Variants in TNNI3K observed in about 807,000 individuals in gnomAD.
TNNI3K encodes serine/threonine-protein kinase TNNI3K.
A neutral mutation model predicts 114.5 loss-of-function variants in TNNI3K; 140 were observed. The observed-to-expected ratio is 1.22, with a 90% CI of 1.07 to 1.41. The LOEUF (loss-of-function observed/expected upper bound fraction) is 1.41, where lower values mean the gene tolerates loss of function less well. Among genes scored for constraint, TNNI3K ranks in the 40% most tolerant of loss-of-function variants. The pLI is 0.00. For missense variants in TNNI3K, 1,125 were observed against 1,007.6 expected (o/e 1.12, Z -1.58); for synonymous variants, 347 against 347.5 (o/e 1.00, Z 0.02).
At chr1:74,430,635 G>A (rs1333619143) in intron 17 of TNNI3K, among the ~76,000 whole-genome samples, 1 of 152,082 alleles carries the variant, frequency 6.6e-6, no homozygotes, top group South Asian at 2.1e-4. Context: ...CATTGTTAAG[G>A]TTAAAAGAAC....
chr1:74,393,275 A>G (rs1663887983), intron 17 of TNNI3K, among the ~76,000 whole-genome samples: 1 of 88,018 alleles, frequency 1.1e-5, no homozygotes, highest in Non-Finnish European at 3.3e-5. Context: ...AGCATTCTGG[A>G]CAAAAAAAAA....
At chr1:74,385,085 C>T (rs1663405543) in intron 17 of TNNI3K, among the ~76,000 whole-genome samples, 1 of 152,054 alleles carries the variant, frequency 6.6e-6, no homozygotes, top group Non-Finnish European at 1.5e-5. Flanking sequence ...CAAATATGGT[C>T]AACATTCTCT....
At chr1:74,538,146 G>A (rs1646682292) in intron 23 of TNNI3K, among the ~76,000 whole-genome samples, 2 of 152,130 alleles carry the variant, frequency 1.3e-5, no homozygotes, top group South Asian at 4.1e-4. Flanking sequence ...CATAGTCATA[G>A]AGAAAAGAAA....
chr1:74,401,805 T>C (rs1382386311), intron 17 of TNNI3K: 1 of 449,410 alleles, frequency 2.2e-6, no homozygotes, highest in African/African-American at 2.0e-5. Context: ...TCTCTTCTTA[T>C]TTTATGTTTC....
chr1:74,529,643 A>G (rs574563301), intron 23 of TNNI3K, among the ~76,000 whole-genome samples: 2 of 152,366 alleles, frequency 1.3e-5, no homozygotes, highest in African/African-American at 4.8e-5. Context: ...TATTTTGGAA[A>G]TACACTAAAG....
intron 17 of TNNI3K, among the ~76,000 whole-genome samples, chr1:74,417,766 AAG>A (rs1665200536): frequency 6.6e-6 from 1 of 151,640 alleles, no homozygotes; most frequent in African/African-American, 2.4e-5. Context: ...AGAGAGAGAA[AAG>A]AATAAAAGGA....
chr1:74,312,147 C>T (rs1659030091), intron 5 of TNNI3K, among the ~76,000 whole-genome samples: 2 of 152,046 alleles, frequency 1.3e-5, no homozygotes, highest in South Asian at 4.1e-4. Context: ...AATTATAAAG[C>T]ATATGGACAT....
At chr1:74,446,203 T>C (rs2100685257) in intron 20 of TNNI3K, among the ~76,000 whole-genome samples, 1 of 152,204 alleles carries the variant, frequency 6.6e-6, no homozygotes, top group East Asian at 1.9e-4. Context: ...CAGCACCTGT[T>C]GTTTCCTGAC....
At chr1:74,349,783 T>C (rs1380659539) in intron 9 of TNNI3K, among the ~76,000 whole-genome samples, 2 of 152,228 alleles carry the variant, frequency 1.3e-5, no homozygotes, top group Non-Finnish European at 2.9e-5. Flanking sequence ...TATTCTCTGA[T>C]GGTAGTTTGT....
chr1:74,305,042 A>G (rs1423497372), intron 5 of TNNI3K, among the ~76,000 whole-genome samples: 1 of 152,214 alleles, frequency 6.6e-6, no homozygotes, highest in African/African-American at 2.4e-5. Flanking sequence ...GTAATGAGAT[A>G]TAATGGAATT....
At position 74,367,929 on chromosome 1, in the gene TNNI3K, C is replaced by T. The variant is rs1399059975; in HGVS notation, c.1286C>T (p.Pro429Leu). 2 of 1,575,250 alleles carry T rather than the reference C, an allele frequency of 1.3e-6. No homozygotes were observed. Among genetic ancestry groups the T allele is most frequent in the Non-Finnish European group, 1.7e-6 (2 of 1,165,414 alleles). Residue 429 changes from proline to leucine, a missense_variant, in exon 13 of 25, where the codon CCA (proline) becomes CTA (leucine). Coordinates refer to ENST00000326637, the MANE Select transcript of TNNI3K (RefSeq NM_015978.3). ...PGGDGSYVSVPSPLGKIKSMT... is the reference protein window; with the variant it reads ...PGGDGSYVSVLSPLGKIKSMT... ...CTAGATGGCTCCTATGTGTCTGTTC[C>T]ATCACCCTTGGGGAAGATTAAAAGC...
intron 20 of TNNI3K, among the ~76,000 whole-genome samples, chr1:74,459,480 G>C (rs757235422): frequency 6.6e-6 from 1 of 152,184 alleles, no homozygotes; most frequent in Non-Finnish European, 1.5e-5. Context: ...GAAGGAAAAA[G>C]AGGTAGGGGA....
Position 74,235,480 on chromosome 1 carries a change from A to G in TNNI3K, c.29A>G (p.Gln10Arg). ...GGAAATTATAAATCTAGACCAACCC[A>G]AACTTGTACTGGTAATTATTCTAAT... MGNYKSRPT[Q>R]TCTDEWKKKV... is the part of the protein sequence containing the mutation. The change falls in exon 1 of 25, where the codon CAA becomes CGA. Residue 10 changes from glutamine to arginine, a missense_variant. Transcript: ENST00000326637. 6.7e-7 allele frequency: 1 copy of G among 1,484,582 alleles called. No homozygotes were observed. Among genetic ancestry groups the G allele is most frequent in the Admixed American group, 1.9e-5 (1 of 51,296 alleles). The allele number at this position is 1,484,582 out of a possible 1,614,324, so 92.0% of individuals were successfully genotyped here.
At chr1:74,486,939 G>A (rs1321678060) in intron 21 of TNNI3K, among the ~76,000 whole-genome samples, 1 of 152,152 alleles carries the variant, frequency 6.6e-6, no homozygotes, top group African/African-American at 2.4e-5. Flanking sequence ...ATTTAGCAAT[G>A]AGATCTTTGT....
At chr1:74,278,979 G>GA (rs141426137) in intron 5 of TNNI3K, among the ~76,000 whole-genome samples, 4,312 of 152,216 alleles carry the variant, frequency 0.028, 219 homozygotes, top group African/African-American at 0.099. Context: ...TAGCAAAACA[G>GA]AAAAAGATAC....
chr1:74,493,595 G>A (rs908525257), intron 23 of TNNI3K, among the ~76,000 whole-genome samples: 2 of 152,140 alleles, frequency 1.3e-5, no homozygotes, highest in African/African-American at 4.8e-5. Flanking sequence ...CCAGAATTCA[G>A]GGATATACAA....
intron 17 of TNNI3K, among the ~76,000 whole-genome samples, chr1:74,379,710 T>C (rs567854840): frequency 6.6e-6 from 1 of 152,244 alleles, no homozygotes; most frequent in African/African-American, 2.4e-5. Context: ...CCCTGCCTCC[T>C]CGACTAATGC....
chr1:74,518,029 G>A (rs765221728), intron 23 of TNNI3K, among the ~76,000 whole-genome samples: 14 of 152,182 alleles, frequency 9.2e-5, no homozygotes, highest in South Asian at 2.1e-4. Context: ...TTGAGCAAGC[G>A]ATGACCTCGC....
At chr1:74,322,530 G>A (rs924296104) in intron 5 of TNNI3K, among the ~76,000 whole-genome samples, 11 of 147,236 alleles carry the variant, frequency 7.5e-5, no homozygotes, top group Admixed American at 2.1e-4. Context: ...GCACCATCTC[G>A]GCTCACGGCA....
Sources: allele counts gnomAD v4.1 joint callset (sites outside exome capture counted in the v4.1 genomes callset), GRCh38; gene constraint gnomAD v4.1.1; transcripts MANE v1.5; gene names NCBI Gene and HGNC (gene_info 2026-07-23, HGNC 2026-07-21).